DLG2: variants seen among roughly 807,000 people sequenced by gnomAD.
DLG2 encodes the protein discs large MAGUK scaffold protein 2.
Under a neutral mutation model 132.5 loss-of-function variants are expected in DLG2, and 45 were observed. That is an observed-to-expected ratio of 0.34 (90% CI 0.27 to 0.44). DLG2 has a LOEUF of 0.44. Ranked by LOEUF, DLG2 falls within the 20% of genes least tolerant of loss-of-function variation. The pLI, the probability that DLG2 is intolerant of heterozygous loss-of-function variation, is 1.00. For missense variants in DLG2, 1,045 were observed against 1,196.9 expected (o/e 0.87, Z 1.87); for synonymous variants, 424 against 419.6 (o/e 1.01, Z -0.13).
intron 21 of DLG2, among the ~76,000 whole-genome samples, chr11:83,510,789 T>C (rs1422585017): frequency 6.7e-6 from 1 of 150,322 alleles, no homozygotes; most frequent in African/African-American, 2.5e-5. Context: ...ACATTTACAA[T>C]GTGAGAGCAT....
At chr11:83,990,521 G>A (rs1200582617) in intron 11 of DLG2, among the ~76,000 whole-genome samples, 1 of 152,186 alleles carries the variant, frequency 6.6e-6, no homozygotes, top group Non-Finnish European at 1.5e-5. Flanking sequence ...ACGCTGAGGA[G>A]GAGGTGTCAG....
rs537814111 is a variant in DLG2, at chr11:85,154,611, A to G, written c.227T>C (p.Ile76Thr). ...CSGSKENASCIEQNKENQSFE... is the reference protein window; with the variant it reads ...CSGSKENASCTEQNKENQSFE... ...ACTCTGATTTTCTTTATTTTGCTCA[A>G]TACATGAAGCATTTTCCTTTGATCC... Residue 76 changes from isoleucine to threonine, a missense_variant, in exon 5 of 28, where the codon ATT (isoleucine) becomes ACT (threonine). Ile to Thr is a moderately conservative substitution (Grantham distance 89, BLOSUM62 -1). Transcript: ENST00000376104. 5.7e-4 allele frequency: 874 copies of G among 1,539,284 alleles called. 17 individuals are homozygous for G. In the South Asian group the frequency reaches 9.9e-3, roughly 18 times the overall value.
chr11:85,596,163 G>A (rs535757851), intron 3 of DLG2, among the ~76,000 whole-genome samples: 1 of 152,264 alleles, frequency 6.6e-6, no homozygotes, highest in East Asian at 1.9e-4. Flanking sequence ...GCTGAGGTGG[G>A]TGGATCATGA....
chr11:84,383,664 A>T (rs777125005), intron 7 of DLG2, among the ~76,000 whole-genome samples: 1 of 152,066 alleles, frequency 6.6e-6, no homozygotes, highest in Non-Finnish European at 1.5e-5. Context: ...CCAACAGCCA[A>T]TAAGAAGCTG....
intron 18 of DLG2, chr11:83,720,761 A>G (rs868257526): frequency 1.4e-5 from 1 of 69,338 alleles, no homozygotes; most frequent in South Asian, 4.6e-4. Context: ...TTTTTTTTTA[A>G]TTACCAGAGA....
chr11:83,728,182 A>C (rs1043095216), intron 18 of DLG2, among the ~76,000 whole-genome samples: 1 of 152,164 alleles, frequency 6.6e-6, no homozygotes, highest in African/African-American at 2.4e-5. Flanking sequence ...ACGTTCCCTT[A>C]GTGCATTAGC....
At position 83,508,337 on chromosome 11, in the gene DLG2, C is replaced by T. The variant is rs373595289; in HGVS notation, c.2194-24109G>A. Reference sequence around the variant, plus strand: ...CTGCAAACTCTGCCTCCCGGGTTCACGCCATTCTTCTGCCTCAGCCTCCCG... The same window carrying T: ...CTGCAAACTCTGCCTCCCGGGTTCATGCCATTCTTCTGCCTCAGCCTCCCG... On this transcript the variant is annotated intron_variant, in intron 21 of 27. Transcript: ENST00000376104. Among the ~76,000 whole-genome samples the T allele has an allele frequency of 1.3e-4, 20 of 149,896 alleles. No homozygotes were observed. In the East Asian group the frequency reaches 2.9e-3, roughly 22 times the overall value.
chr11:85,602,262 C>A (rs536014371), intron 2 of DLG2, among the ~76,000 whole-genome samples: 43 of 152,298 alleles, frequency 2.8e-4, no homozygotes, highest in Non-Finnish European at 4.9e-4. Flanking sequence ...TATGCAGAAT[C>A]CCATCACTTC....
At chr11:83,769,858 C>T (rs1164701582) in intron 18 of DLG2, among the ~76,000 whole-genome samples, 1 of 152,084 alleles carries the variant, frequency 6.6e-6, no homozygotes, top group African/African-American at 2.4e-5. Context: ...AGCCACTGTG[C>T]CCCGCCTACC....
At chr11:83,649,796 CCT>C (rs1246511893) in intron 18 of DLG2, among the ~76,000 whole-genome samples, 2 of 151,970 alleles carry the variant, frequency 1.3e-5, no homozygotes, top group Non-Finnish European at 2.9e-5. Flanking sequence ...ATTTCTTTCC[CCT>C]CTCTGTTTCA....
chr11:85,517,775 G>A (rs1472731316), intron 3 of DLG2, among the ~76,000 whole-genome samples: 1 of 152,074 alleles, frequency 6.6e-6, no homozygotes, highest in Non-Finnish European at 1.5e-5. Context: ...ACATGGCTTG[G>A]CTGTGTCCCC....
intron 18 of DLG2, among the ~76,000 whole-genome samples, chr11:83,659,705 G>T (rs918710311): frequency 6.6e-6 from 1 of 152,188 alleles, no homozygotes; most frequent in Admixed American, 6.5e-5. Flanking sequence ...GCTGGGATTT[G>T]GTAGGAGACA....
chr11:85,484,388 A>C (rs2093377754), intron 3 of DLG2, among the ~76,000 whole-genome samples: 1 of 151,356 alleles, frequency 6.6e-6, no homozygotes, highest in African/African-American at 2.4e-5. Flanking sequence ...GCACAGCAAA[A>C]GAAACTACCA....
chr11:85,039,764 C>A (rs912900102), intron 6 of DLG2, among the ~76,000 whole-genome samples: 1 of 151,834 alleles, frequency 6.6e-6, no homozygotes, highest in Non-Finnish European at 1.5e-5. Flanking sequence ...TTTATTGATA[C>A]ACTATAAGCC....
At chr11:85,403,131 G>A (rs2088338466) in intron 3 of DLG2, among the ~76,000 whole-genome samples, 1 of 152,120 alleles carries the variant, frequency 6.6e-6, no homozygotes, top group Admixed American at 6.6e-5. Flanking sequence ...AGAAAATGTG[G>A]CACATATACA....
intron 6 of DLG2, among the ~76,000 whole-genome samples, chr11:84,893,827 A>C (rs77156793): frequency 0.06 from 9,086 of 152,236 alleles, 353 homozygotes; most frequent in Non-Finnish European, 0.086. Context: ...TTGTATAGTC[A>C]ATTAATAAGT....
At chr11:84,317,074 C>A (rs45482499) in intron 7 of DLG2, 17 of 1,612,672 alleles carry the variant, frequency 1.1e-5, no homozygotes, top group Non-Finnish European at 8.5e-7. Context: ...TCAGGGTGGG[C>A]GCACTCCTGA....
intron 6 of DLG2, among the ~76,000 whole-genome samples, chr11:84,601,587 G>T (rs2099576613): frequency 6.6e-6 from 1 of 151,962 alleles, no homozygotes; most frequent in South Asian, 2.1e-4. Flanking sequence ...ACAGGATTTG[G>T]TATCTCGGTA....
chr11:83,638,721 C>G (rs2065528522), intron 18 of DLG2, among the ~76,000 whole-genome samples: 1 of 152,146 alleles, frequency 6.6e-6, no homozygotes, highest in African/African-American at 2.4e-5. Context: ...TCAGGTGGAA[C>G]TTCTCATCTG....
Sources: allele counts gnomAD v4.1 joint callset (sites outside exome capture counted in the v4.1 genomes callset), GRCh38; gene constraint gnomAD v4.1.1; transcripts MANE v1.5; gene names NCBI Gene and HGNC (gene_info 2026-07-23, HGNC 2026-07-21).